Variants in APC2 observed in about 807,000 individuals in gnomAD.
APC2 encodes the protein APC regulator of Wnt signaling pathway 2, also known as adenomatous polyposis coli protein 2.
A neutral mutation model predicts 72.5 loss-of-function variants in APC2; 41 were observed. That is an observed-to-expected ratio of 0.57 (90% CI 0.44 to 0.73). The LOEUF is 0.73. Ranked by LOEUF, APC2 falls within the 30% of genes least tolerant of loss-of-function variation. APC2 has a pLI of 0.00. For missense variants in APC2, 3,729 were observed against 3,403.4 expected (o/e 1.10, Z -2.38); for synonymous variants, 1,898 against 1,612.0 (o/e 1.18, Z -4.25).
At position 1,466,464 on chromosome 19, in the gene APC2, C is replaced by A; in HGVS notation, c.3163C>A (p.Leu1055Met). The change falls in exon 15 of 15, where the codon CTG (leucine) becomes ATG (methionine). Residue 1055 changes from leucine to methionine, a missense_variant. Physicochemically the swap from Leu to Met is conservative, Grantham distance 15 (BLOSUM62 2). Coordinates refer to ENST00000590469, the MANE Select transcript of APC2 (RefSeq NM_005883.3). ...AAPLSVASKA[L>M]QKLAAQEGPL... ...CCCGCTGTCTGTGGCCAGCAAGGCA[C>A]TGCAGAAACTGGCGGCGCAAGAGGG... 6.3e-7 allele frequency: 1 copy of A among 1,598,276 alleles called. No individual in the cohort carries two copies.
At chr19:1,455,038 T>A in intron 4 of APC2, 111 bp from the exon 5 acceptor site, 1 of 387,460 alleles carries the variant, frequency 2.6e-6, no homozygotes, top group African/African-American at 2.5e-5. Flanking sequence ...GACCTTGCCA[T>A]GTTGCCTGTT....
rs1352425687 is a variant in APC2, at chr19:1,453,580, A to C, written c.382A>C (p.Ile128Leu). The change falls in exon 4 of 15, where the codon ATC (isoleucine) becomes CTC (leucine). Residue 128 changes from isoleucine (I) to leucine (L), a missense_variant. Coordinates refer to ENST00000590469, the MANE Select transcript of APC2 (RefSeq NM_005883.3). ...DSFGELSRAT[I>L]RLLEELDRER... Reference sequence around the variant, plus strand: ...CTTTGGGGAGCTGAGCCGGGCCACCATCCGGCTGCTGGAGGAACTGGACCG... The same window carrying C: ...CTTTGGGGAGCTGAGCCGGGCCACCCTCCGGCTGCTGGAGGAACTGGACCG... The C allele has an allele frequency of 6.2e-7, 1 of 1,608,226 alleles. No homozygotes were observed. The highest frequency in any genetic ancestry group is 8.5e-7 in the Non-Finnish European group (1 of 1,178,096).
In APC2 at chr19:1,465,814, C is replaced by T; in HGVS notation, c.2513C>T (p.Ala838Val). The T allele has an allele frequency of 6.3e-7, 1 of 1,580,748 alleles. No homozygotes were observed. The highest frequency in any genetic ancestry group is 1.1e-5 in the South Asian group (1 of 87,284). ...EAEKDTSGEAAVAAKAKAKLA... is the reference protein window; with the variant it reads ...EAEKDTSGEAVVAAKAKAKLA... ...GAGAAGGACACCAGTGGGGAGGCAG[C>T]CGTGGCGGCCAAGGCCAAGGCCAAG... The change falls in exon 15 of 15, where the codon GCC (alanine) becomes GTC (valine). Residue 838 changes from alanine (A) to valine (V), a missense_variant. Transcript: ENST00000590469.
chr19:1,456,279 C>G (rs753947911), intron 7 of APC2, 27 bp from the exon 8 acceptor site: 1 of 1,591,826 alleles, frequency 6.3e-7, no homozygotes, highest in African/African-American at 1.3e-5. Flanking sequence ...TGGGACTGTA[C>G]CCCCGACCCT....
upstream of APC2, among the ~76,000 whole-genome samples, chr19:1,449,061 T>TC (rs1312287319): frequency 6.6e-6 from 1 of 151,994 alleles, no homozygotes; most frequent in Admixed American, 6.5e-5. Flanking sequence ...ACAGCACGGG[T>TC]CCTCCCTTGC....
At chr19:1,446,832 C>G (rs1001103420), upstream of APC2, among the ~76,000 whole-genome samples, 7 of 152,214 alleles carry the variant, frequency 4.6e-5, no homozygotes, top group East Asian at 1.3e-3. The surrounding 1 kb of genome is among the most constrained non-coding windows in gnomAD (Gnocchi z 6.1). Context: ...CTGTTCGTAT[C>G]CGTCCGCTCC....
Position 1,467,947 on chromosome 19 carries a change from C to A in APC2, c.4646C>A (p.Pro1549His). Reference protein sequence around the residue: ...RERPQGRKEAPAPSKAAPAAP... With the variant: ...RERPQGRKEAHAPSKAAPAAP... ...CGTCCGCAGGGCCGGAAGGAGGCCC[C>A]TGCCCCGTCCAAGGCTGCACCAGCT... The change falls in exon 15 of 15, where the codon CCT becomes CAT. Residue 1549 changes from proline (P) to histidine (H), a missense_variant. Coordinates refer to ENST00000590469, the MANE Select transcript of APC2 (RefSeq NM_005883.3). 6.3e-7 allele frequency: 1 copy of A among 1,586,918 alleles called. No homozygotes were observed. The highest frequency in any genetic ancestry group is 2.3e-5 in the East Asian group (1 of 43,588).
rs990535499 is a variant in APC2, at chr19:1,467,096, G to A, written c.3795G>A (p.Val1265=). ...ACGCAGGCAGCGTGCGCTTTACCGTGGAGAAGCCAGACGAGAACTTCTCGT... is the reference window on the plus strand; with the variant it reads ...ACGCAGGCAGCGTGCGCTTTACCGTAGAGAAGCCAGACGAGAACTTCTCGT... ...ELDAGSVRFT[V]EKPDENFSCA... Residue 1265 remains valine, a synonymous_variant, in exon 15 of 15, where the codon GTG becomes GTA. Coordinates refer to ENST00000590469, the MANE Select transcript of APC2 (RefSeq NM_005883.3). The A allele has an allele frequency of 1.2e-5, 20 of 1,607,204 alleles. No individual in the cohort carries two copies. Among genetic ancestry groups the A allele is most frequent in the Non-Finnish European group, 1.7e-5 (20 of 1,177,168 alleles).
In APC2 at chr19:1,468,082, C is replaced by T. The variant is rs779564604; in HGVS notation, c.4781C>T (p.Pro1594Leu). ...CTCAGCGAGCCCGAGCCCTCGGAGCCGCCGGCCGTCCATCCACGAGGCCGG... is the reference window on the plus strand; with the variant it reads ...CTCAGCGAGCCCGAGCCCTCGGAGCTGCCGGCCGTCCATCCACGAGGCCGG... The part of the protein sequence containing the change: ...SSLSEPEPSE[P>L]PAVHPRGREP... The change falls in exon 15 of 15, where the codon CCG (proline) becomes CTG (leucine). Residue 1594 changes from proline to leucine, a missense_variant. Coordinates refer to ENST00000590469, the MANE Select transcript of APC2 (RefSeq NM_005883.3). 1.7e-5 allele frequency: 26 copies of T among 1,549,760 alleles called. No individual in the cohort carries two copies. The East Asian group carries it at 5.8e-4, about 34-fold the overall frequency.
In APC2 at chr19:1,469,657, C is replaced by A; in HGVS notation, c.6356C>A (p.Pro2119His). The change falls in exon 15 of 15, where the codon CCT becomes CAT. Residue 2119 changes from proline (P) to histidine (H), a missense_variant. Coordinates refer to ENST00000590469, the MANE Select transcript of APC2 (RefSeq NM_005883.3). ...CCCGACGGCGCCGTCCCCGCGGCCC[C>A]TGCCTCAGCCGACGCCGCGCGCCGC... ...RRPDGAVPAAPASADAARRSS... is the reference protein window; with the variant it reads ...RRPDGAVPAAHASADAARRSS... 1 of 1,256,306 alleles carries A rather than the reference C, an allele frequency of 8.0e-7. No homozygotes were observed. Among genetic ancestry groups the A allele is most frequent in the South Asian group, 2.8e-5 (1 of 35,146 alleles). The allele number at this position is 1,256,306 out of a possible 1,614,324, so 77.8% of individuals were successfully genotyped here.
chr19:1,467,332 G>C lies in APC2; in HGVS notation c.4031G>C (p.Arg1344Pro). 1 of 1,421,594 alleles carries C rather than the reference G, an allele frequency of 7.0e-7. No individual in the cohort carries two copies. Among genetic ancestry groups the C allele is most frequent in the Middle Eastern group, 2.5e-4 (1 of 4,024 alleles). The allele number at this position is 1,421,594 out of a possible 1,614,324, so 88.1% of individuals were successfully genotyped here. The change falls in exon 15 of 15, where the codon CGG (arginine) becomes CCG (proline). Residue 1344 changes from arginine to proline, a missense_variant. Coordinates refer to ENST00000590469, the MANE Select transcript of APC2 (RefSeq NM_005883.3). ...GCGGACCAGGAGCTGGAACTGCTGC[G>C]GGAGTGCCTGGGAGCCGCCGTGCCT... Reference protein sequence around the residue: ...GAADQELELLRECLGAAVPAR... With the variant: ...GAADQELELLPECLGAAVPAR...
chr19:1,456,828 C>A (rs1300630341), intron 8 of APC2, 25 bp from the exon 9 acceptor site: 1 of 1,584,726 alleles, frequency 6.3e-7, no homozygotes, highest in Non-Finnish European at 8.5e-7. Context: ...TGAGGGACCC[C>A]ACCCTGACCC....
intron 4 of APC2, 112 bp downstream of exon 4, chr19:1,453,723 C>T (rs1599132552): frequency 7.3e-7 from 1 of 1,361,178 alleles, no homozygotes; most frequent in Non-Finnish European, 9.9e-7. Flanking sequence ...ACCTCACACG[C>T]CCCACCCACT....
intron 8 of APC2, 42 bp downstream of exon 8, chr19:1,456,446 G>A (rs1267343590): frequency 1.3e-6 from 2 of 1,525,186 alleles, no homozygotes; most frequent in South Asian, 2.5e-5. Flanking sequence ...AGCTGTCTGG[G>A]CTGGAAGGGG....
At position 1,461,948 on chromosome 19, in the gene APC2, C is replaced by T; in HGVS notation, c.1639-15C>T. ...ACTCAGGCCCTGACCCGCCCCTCTC[C>T]CGCCCCTCGTCCAGGAGTCCACCCT... is the stretch of plus-strand genomic sequence containing the variant. On this transcript the variant is annotated splice_polypyrimidine_tract_variant and intron_variant, in intron 13 of 14. Coordinates refer to ENST00000590469, the MANE Select transcript of APC2 (RefSeq NM_005883.3). 1 of 1,598,194 alleles carries T rather than the reference C, an allele frequency of 6.3e-7. No homozygotes were observed. Among genetic ancestry groups the T allele is most frequent in the Non-Finnish European group, 8.6e-7 (1 of 1,168,288 alleles).
chr19:1,461,867 A>C, intron 13 of APC2, 96 bp from the exon 14 acceptor site: 1 of 1,149,414 alleles, frequency 8.7e-7, no homozygotes, highest in Non-Finnish European at 1.2e-6. Context: ...AAAAAAACAA[A>C]AAACAAAAAA....
At chr19:1,461,004 A>C in intron 12 of APC2, 33 bp from the exon 13 acceptor site, 1 of 1,610,400 alleles carries the variant, frequency 6.2e-7, no homozygotes, top group Non-Finnish European at 8.5e-7. Context: ...CCTGGACCCT[A>C]GTCCCACCAC....
chr19:1,454,109 G>T (rs1215471716), intron 4 of APC2, among the ~76,000 whole-genome samples: 1 of 152,156 alleles, frequency 6.6e-6, no homozygotes, highest in East Asian at 1.9e-4. Context: ...GCAGCGTGGG[G>T]TTGTCTGTGC....
At position 1,468,007 on chromosome 19, in the gene APC2, T is replaced by G. The variant is rs1236314242; in HGVS notation, c.4706T>G (p.Ile1569Ser). 1 of 1,586,356 alleles carries G rather than the reference T, an allele frequency of 6.3e-7. No individual in the cohort carries two copies. Among genetic ancestry groups the G allele is most frequent in the Admixed American group, 1.7e-5 (1 of 59,454 alleles). The change falls in exon 15 of 15, where the codon ATT becomes AGT. Residue 1569 changes from isoleucine to serine, a missense_variant. Ile to Ser is a moderately radical substitution (Grantham distance 142, BLOSUM62 -2). Coordinates refer to ENST00000590469, the MANE Select transcript of APC2 (RefSeq NM_005883.3). Reference sequence around the variant, plus strand: ...CCCGCCCGGACCCAGCCCAGCCTCATTGCTGACGAGACCCCGCCCTGCTAC... The same window carrying G: ...CCCGCCCGGACCCAGCCCAGCCTCAGTGCTGACGAGACCCCGCCCTGCTAC... Reference protein sequence around the residue: ...PPPARTQPSLIADETPPCYSL... With the variant: ...PPPARTQPSLSADETPPCYSL...
Sources: allele counts gnomAD v4.1 joint callset (sites outside exome capture counted in the v4.1 genomes callset), GRCh38; gene constraint gnomAD v4.1.1; non-coding constraint Gnocchi (gnomAD v3.1); transcripts MANE v1.5; gene names NCBI Gene and HGNC (gene_info 2026-07-23, HGNC 2026-07-21).